C8orf34: variants seen among roughly 807,000 people sequenced by gnomAD.
C8orf34 encodes chromosome 8 open reading frame 34.
Under a neutral mutation model 68.3 loss-of-function variants are expected in C8orf34, and 65 were observed. That is an observed-to-expected ratio of 0.95 (90% CI 0.78 to 1.17). The LOEUF is 1.17. Ranked by LOEUF, C8orf34 falls within the 50% of genes most tolerant of loss-of-function variation. The pLI, the probability that C8orf34 is intolerant of heterozygous loss-of-function variation, is 0.00. For missense variants in C8orf34, 664 were observed against 655.4 expected, an observed-to-expected ratio of 1.01 and a Z score of -0.14; for synonymous variants, 244 against 241.2, an observed-to-expected ratio of 1.01 and a Z score of -0.11.
At chr8:68,576,978 TATA>T (rs934099844) in intron 7 of C8orf34, among the ~76,000 whole-genome samples, 6 of 152,054 alleles carry the variant, frequency 3.9e-5, no homozygotes, top group Non-Finnish European at 8.8e-5. Context: ...GCTGATTATG[TATA>T]ATATTTGTAA....
At chr8:68,352,302 G>A (rs1417901630) in intron 1 of C8orf34, among the ~76,000 whole-genome samples, 1 of 151,942 alleles carries the variant, frequency 6.6e-6, no homozygotes, top group Non-Finnish European at 1.5e-5. Flanking sequence ...ATTAAAATGT[G>A]GGCCTACTGA....
At chr8:68,381,253 A>C (rs1388086567) in intron 1 of C8orf34, among the ~76,000 whole-genome samples, 1 of 152,336 alleles carries the variant, frequency 6.6e-6, no homozygotes, top group African/African-American at 2.4e-5. Context: ...CTCTACTCTA[A>C]GTTTATTCCA....
At chr8:68,408,948 C>G (rs1809324212) in intron 1 of C8orf34, among the ~76,000 whole-genome samples, 1 of 152,132 alleles carries the variant, frequency 6.6e-6, no homozygotes, top group Admixed American at 6.5e-5. Context: ...GCCACCATAC[C>G]TGGCTAATTT....
intron 1 of C8orf34, among the ~76,000 whole-genome samples, chr8:68,353,765 T>C (rs2129618734): frequency 6.6e-6 from 1 of 151,584 alleles, no homozygotes; most frequent in East Asian, 1.9e-4. Flanking sequence ...CTTTTTTCTT[T>C]GTCATTAGTC....
At chr8:68,630,224 A>G (rs2130691070) in intron 7 of C8orf34, among the ~76,000 whole-genome samples, 1 of 152,230 alleles carries the variant, frequency 6.6e-6, no homozygotes, top group East Asian at 1.9e-4. Flanking sequence ...TACTCACATT[A>G]AAAAAGGAAA....
At chr8:68,461,896 T>A (rs1259693934) in intron 3 of C8orf34, among the ~76,000 whole-genome samples, 1 of 151,964 alleles carries the variant, frequency 6.6e-6, no homozygotes, top group East Asian at 1.9e-4. Context: ...ACGAGCAAAA[T>A]AACAGCTAAC....
chr8:68,513,646 C>A (rs766850636), intron 5 of C8orf34, among the ~76,000 whole-genome samples: 6 of 152,202 alleles, frequency 3.9e-5, no homozygotes, highest in African/African-American at 7.2e-5. Context: ...TGGTGAAGAA[C>A]CTTTTATTCT....
chr8:68,774,914 C>A (rs895788057), intron 10 of C8orf34, among the ~76,000 whole-genome samples: 4 of 136,162 alleles, frequency 2.9e-5, no homozygotes. Flanking sequence ...CGAGACCACC[C>A]TTTCCAACAT....
chr8:68,334,554 G>T (rs529306124), intron 1 of C8orf34, among the ~76,000 whole-genome samples: 63 of 152,014 alleles, frequency 4.1e-4, no homozygotes, highest in African/African-American at 1.4e-3. Flanking sequence ...GAGTGCTCAG[G>T]GCAGTTATAT....
At position 68,781,044 on chromosome 8, in the gene C8orf34, A is replaced by G. The variant is rs143426333; in HGVS notation, c.1455+4595A>G. ...ATGGAAGTAAAATTAAAGTGATTAA[A>G]CCATTTTGAAAGATAGAAACTGATG... On this transcript the variant is annotated intron_variant, in intron 11 of 13. Coordinates refer to ENST00000518698, the MANE Select transcript of C8orf34 (RefSeq NM_052958.4). 5.3e-5 allele frequency among the ~76,000 whole-genome samples: 8 copies of G among 152,322 alleles called. No individual in the cohort carries two copies. In the East Asian group the frequency reaches 1.2e-3, roughly 22 times the overall value.
At chr8:68,406,103 G>A (rs1809180510) in intron 1 of C8orf34, among the ~76,000 whole-genome samples, 1 of 152,158 alleles carries the variant, frequency 6.6e-6, no homozygotes, top group Admixed American at 6.6e-5. Context: ...TGTGAAGCAG[G>A]ATTTGGCCTG....
intron 5 of C8orf34, among the ~76,000 whole-genome samples, chr8:68,515,369 TTC>T (rs1814465182): frequency 6.8e-6 from 1 of 146,490 alleles, no homozygotes; most frequent in South Asian, 2.1e-4. Flanking sequence ...AGAAGATAAT[TTC>T]TCTTTTTTTT....
chr8:68,422,882 GA>G (rs1276649398), intron 1 of C8orf34, among the ~76,000 whole-genome samples: 1 of 152,270 alleles, frequency 6.6e-6, no homozygotes. Flanking sequence ...ACACTACATG[GA>G]AACTGCCAAG....
At chr8:68,452,031 G>C (rs921088932) in intron 3 of C8orf34, among the ~76,000 whole-genome samples, 5 of 151,822 alleles carry the variant, frequency 3.3e-5, no homozygotes, top group African/African-American at 1.2e-4. Context: ...TCTACATTGT[G>C]GTGGTATGCA....
chr8:68,429,816 C>T (rs1325355201), intron 1 of C8orf34, among the ~76,000 whole-genome samples: 1 of 152,176 alleles, frequency 6.6e-6, no homozygotes, highest in African/African-American at 2.4e-5. Context: ...TTGTATGTGC[C>T]TGTTTATTTT....
intron 5 of C8orf34, among the ~76,000 whole-genome samples, chr8:68,513,897 T>A (rs1814391188): frequency 1.3e-5 from 2 of 151,446 alleles, no homozygotes; most frequent in African/African-American, 4.9e-5. Flanking sequence ...CCGGGAGTGA[T>A]GAGGGGTGGG....
intron 1 of C8orf34, among the ~76,000 whole-genome samples, chr8:68,349,816 A>T (rs1407785261): frequency 3.3e-5 from 5 of 151,454 alleles, no homozygotes; most frequent in Non-Finnish European, 7.4e-5. Context: ...CATTCCCTTC[A>T]TCATTTCTTA....
chr8:68,662,633 C>G lies in C8orf34; in HGVS notation c.1241+22122C>G, dbSNP rs554665941. Among the ~76,000 whole-genome samples, 318 of 152,304 alleles carry G rather than the reference C, an allele frequency of 2.1e-3. 2 individuals carry two copies. Among genetic ancestry groups the G allele is most frequent in the Middle Eastern group, 0.014 (4 of 294 alleles). ...GTGCAGCCTCTCCAGCTATGTGGAACCGTGAGTAAATTTAACCTCTTTTCT... is the reference window on the plus strand; with the variant it reads ...GTGCAGCCTCTCCAGCTATGTGGAAGCGTGAGTAAATTTAACCTCTTTTCT... On this transcript the variant is annotated intron_variant, in intron 8 of 13. Transcript: ENST00000518698.
At chr8:68,817,693 A>G (rs1295039549) in intron 13 of C8orf34, among the ~76,000 whole-genome samples, 2 of 152,166 alleles carry the variant, frequency 1.3e-5, no homozygotes, top group African/African-American at 4.8e-5. Context: ...CACTGCTATA[A>G]AGACATACCT....
Sources: gnomAD v4.1 joint callset for allele counts (sites outside exome capture counted in the v4.1 genomes callset) on GRCh38, gnomAD v4.1.1 for gene constraint, MANE v1.5 for transcripts, NCBI Gene and HGNC (gene_info 2026-07-23, HGNC 2026-07-21) for gene names.